Variants in RBFOX1 observed in about 807,000 individuals in gnomAD.
RBFOX1 encodes the protein RNA binding protein fox-1 homolog 1.
A neutral mutation model predicts 57.7 loss-of-function variants in RBFOX1; 8 were observed. The observed-to-expected ratio is 0.14, with a 90% CI of 0.08 to 0.25. RBFOX1 has a LOEUF of 0.25. Among genes scored for constraint, RBFOX1 ranks in the 10% least tolerant of loss-of-function variants. The probability of loss-of-function intolerance (pLI) is 1.00; values close to 1 mark genes in which losing one functional copy is unlikely to be tolerated. For missense variants in RBFOX1, 611 were observed against 548.5 expected (o/e 1.11, Z -1.14); for synonymous variants, 326 against 222.4 (o/e 1.47, Z -4.15).
Position 7,139,938 on chromosome 16 carries a change from G to A in RBFOX1, c.27+87840G>A, listed in dbSNP as rs533765334. On this transcript the variant is annotated intron_variant, in intron 4 of 15. Transcript: ENST00000550418. ...GGAAGAAGGTAAAGACATAAGCCTG[G>A]AAGGAAGAACTGACATGAGTTTTAG... Among the ~76,000 whole-genome samples, 4 of 152,164 alleles carry A rather than the reference G, an allele frequency of 2.6e-5. No homozygotes were observed. The East Asian group carries it at 7.8e-4, about 29-fold the overall frequency.
At chr16:6,389,872 T>C (rs2092506672) in intron 2 of RBFOX1, among the ~76,000 whole-genome samples, 1 of 152,188 alleles carries the variant, frequency 6.6e-6, no homozygotes, top group Admixed American at 6.5e-5. Flanking sequence ...AATAGGATTG[T>C]ACCTCTTTGA....
Position 6,934,152 on chromosome 16 carries a change from G to T in RBFOX1, c.-15-117905G>T, listed in dbSNP as rs115401404. ...AGACAGGGAACTTCCTGGGCTTCTG[G>T]TACAGAGTTTTCCTAACAGTATGTG... is the stretch of plus-strand genomic sequence containing the variant. On this transcript the variant is annotated intron_variant, in intron 3 of 15. Transcript: ENST00000550418. Among the ~76,000 whole-genome samples, 210 of 152,202 alleles carry T rather than the reference G, an allele frequency of 1.4e-3. 1 individual carries two copies. The highest frequency in any genetic ancestry group is 4.8e-3 in the African/African-American group (200 of 41,518).
rs191245861 is a variant in RBFOX1 at position 6,920,636 on chromosome 16, C to T, written c.-15-131421C>T. Among the ~76,000 whole-genome samples, 222 of 152,258 alleles carry T rather than the reference C, an allele frequency of 1.5e-3. 1 individual carries two copies. The East Asian group carries it at 0.021, about 15-fold the overall frequency. The stretch of plus-strand genomic sequence containing the variant: ...TGGAGATATTAGCTCCTTCTGGAAG[C>T]TTTGAGGGAGAATACATTTCATACC... On this transcript the variant is annotated intron_variant, in intron 3 of 15. Coordinates refer to ENST00000550418, the MANE Select transcript of RBFOX1 (RefSeq NM_018723.4).
chr16:6,610,618 C>T (rs1254520474), intron 2 of RBFOX1, among the ~76,000 whole-genome samples: 1 of 152,158 alleles, frequency 6.6e-6, no homozygotes, highest in Non-Finnish European at 1.5e-5. Flanking sequence ...GTGTAAACTA[C>T]TACACCCCAC....
chr16:6,612,863 A>AAAAAAAAATAAT (rs59339311), intron 2 of RBFOX1, among the ~76,000 whole-genome samples: 2 of 132,238 alleles, frequency 1.5e-5, no homozygotes, highest in African/African-American at 5.8e-5. Context: ...AAAAAAAAAA[A>AAAAAAAAATAAT]AATAATAATA....
At chr16:6,532,537 C>G (rs959897198) in intron 2 of RBFOX1, among the ~76,000 whole-genome samples, 3 of 152,116 alleles carry the variant, frequency 2.0e-5, no homozygotes, top group Admixed American at 2.0e-4. Flanking sequence ...CCTCTGTACC[C>G]TTTAAATATT....
intron 2 of RBFOX1, among the ~76,000 whole-genome samples, chr16:6,594,988 C>T (rs139880030): frequency 2.4e-3 from 364 of 152,158 alleles, no homozygotes; most frequent in Non-Finnish European, 4.3e-3. Context: ...AAGGTTTCAC[C>T]GTGTTGGCCA....
rs188969388 is a variant in RBFOX1 at position 6,317,354 on chromosome 16, T to A, written c.-64+297T>A. ...TAAAATGTGTTTTTGGTTTCTTTTT[T>A]TCTCCCCCTAAGGTTTTCTTATCAG... On this transcript the variant is annotated intron_variant, in intron 2 of 15. Transcript: ENST00000550418. Among the ~76,000 whole-genome samples, 307 of 152,278 alleles carry A rather than the reference T, an allele frequency of 2.0e-3. 1 individual carries two copies. Among genetic ancestry groups the A allele is most frequent in the Middle Eastern group, 6.8e-3 (2 of 294 alleles).
At chr16:6,998,991 C>T (rs1032920969) in intron 3 of RBFOX1, among the ~76,000 whole-genome samples, 1 of 151,322 alleles carries the variant, frequency 6.6e-6, no homozygotes, top group Admixed American at 6.6e-5. Flanking sequence ...GCCTCGGCAT[C>T]CTGAGTAGCT....
rs150504816 is a variant in RBFOX1 at position 6,164,419 on chromosome 16, T to A, written c.-127+144427T>A. 2.0e-5 allele frequency among the ~76,000 whole-genome samples: 3 copies of A among 152,106 alleles called. No individual in the cohort carries two copies. The East Asian group carries it at 5.8e-4, about 29-fold the overall frequency. ...TTGCATTTCCAAAATATATATATAT[T>A]AGTTAGAAGTGATGTTTTCCACAGA... On this transcript the variant is annotated intron_variant, in intron 1 of 15. Transcript: ENST00000550418.
chr16:6,949,914 G>C (rs2080345392), intron 3 of RBFOX1, among the ~76,000 whole-genome samples: 2 of 150,880 alleles, frequency 1.3e-5, no homozygotes, highest in East Asian at 3.9e-4. Flanking sequence ...CCTCAGCGTA[G>C]GTAGCTCCTT....
chr16:5,814,233 G>T (rs1019760423), intron 3 of RBFOX1, among the ~76,000 whole-genome samples: 1 of 152,158 alleles, frequency 6.6e-6, no homozygotes, highest in South Asian at 2.1e-4. Flanking sequence ...CTTAGCTGAA[G>T]TGCCTTTGGG....
chr16:7,276,405 C>T (rs913821794), intron 4 of RBFOX1, among the ~76,000 whole-genome samples: 1 of 152,188 alleles, frequency 6.6e-6, no homozygotes, highest in Admixed American at 6.5e-5. Flanking sequence ...CCTGAAGAGC[C>T]TGGACATCCA....
chr16:7,528,761 G>A (rs1407248235), intron 5 of RBFOX1, among the ~76,000 whole-genome samples: 1 of 152,180 alleles, frequency 6.6e-6, no homozygotes, highest in Non-Finnish European at 1.5e-5. Context: ...TGGTCATATA[G>A]TCTTTAGGTG....
At chr16:6,680,022 G>C (rs1285158325) in intron 3 of RBFOX1, among the ~76,000 whole-genome samples, 2 of 151,374 alleles carry the variant, frequency 1.3e-5, no homozygotes, top group African/African-American at 4.9e-5. Context: ...AAATATGACA[G>C]AGTTCAACCC....
At chr16:5,785,009 TGTG>T (rs1201696046) in intron 3 of RBFOX1, among the ~76,000 whole-genome samples, 4 of 152,318 alleles carry the variant, frequency 2.6e-5, no homozygotes, top group Non-Finnish European at 4.4e-5. Flanking sequence ...ACTGGGTTGT[TGTG>T]GGGATTAAAT....
At chr16:6,955,029 A>G (rs1291070903) in intron 3 of RBFOX1, among the ~76,000 whole-genome samples, 1 of 151,182 alleles carries the variant, frequency 6.6e-6, no homozygotes, top group Non-Finnish European at 1.5e-5. Context: ...CCGGGAGTTC[A>G]AGACAAGCCT....
chr16:6,817,417 G>T (rs931787607), intron 3 of RBFOX1, among the ~76,000 whole-genome samples: 1 of 151,866 alleles, frequency 6.6e-6, no homozygotes, highest in Non-Finnish European at 1.5e-5. Context: ...CTTTTAGCTG[G>T]ACGCAGTGGC....
chr16:6,961,430 A>G (rs1360738769), intron 3 of RBFOX1, among the ~76,000 whole-genome samples: 2 of 152,172 alleles, frequency 1.3e-5, no homozygotes, highest in Non-Finnish European at 2.9e-5. Context: ...AACAACAAAG[A>G]TTGTTGCTTT....
Sources: gnomAD v4.1 joint callset for allele counts (sites outside exome capture counted in the v4.1 genomes callset) on GRCh38, gnomAD v4.1.1 for gene constraint, MANE v1.5 for transcripts, NCBI Gene and HGNC (gene_info 2026-07-23, HGNC 2026-07-21) for gene names.